Variants in ZNF75D observed in about 807,000 individuals in gnomAD.
The protein encoded by ZNF75D is zinc finger protein 75.
Under a neutral mutation model 33.3 loss-of-function variants are expected in ZNF75D, and 33 were observed. The observed-to-expected ratio is 0.99, with a 90% CI of 0.75 to 1.32. ZNF75D has a LOEUF of 1.32. ZNF75D is among the 40% of genes most tolerant of loss of function. The pLI is 0.00. For synonymous variants in ZNF75D, 113 were observed against 130.6 expected, an observed-to-expected ratio of 0.87 and a Z score of 0.92; for missense variants, 338 against 367.5, an observed-to-expected ratio of 0.92 and a Z score of 0.66.
In ZNF75D at chrX:135,256,883, C is replaced by T. The variant is rs1193530199; in HGVS notation, n.828-1106G>A. On this transcript the variant is annotated intron_variant and non_coding_transcript_variant, in intron 1 of 3. Transcript: ENST00000494295. ...GGGCACTGGGCAGAGTTGTAAGGCT[C>T]CTTTTCCAGGCCCTAGCTCCTGGGC... Among the ~76,000 whole-genome samples the T allele has an allele frequency of 3.6e-5, 4 of 111,959 alleles. No homozygotes were observed. The South Asian group carries it at 1.5e-3, about 42-fold the overall frequency.
rs182081928 is a variant in ZNF75D, at chrX:135,304,643, C to T, written c.-390-8604G>A. Among the ~76,000 whole-genome samples the T allele has an allele frequency of 2.7e-5, 3 of 112,276 alleles. No individual in the cohort carries two copies. In the East Asian group the frequency reaches 8.5e-4, roughly 32 times the overall value. On this transcript the variant is annotated intron_variant, in intron 1 of 6. Coordinates refer to ENST00000370766, the MANE Select transcript of ZNF75D (RefSeq NM_007131.5). ...GATGTCTACAATGCAAATGTTCCTT[C>T]GACGGCTAACCATGCATCTCACAAC...
At chrX:135,325,761 C>A (rs975534799) in intron 1 of ZNF75D, among the ~76,000 whole-genome samples, 35 of 110,399 alleles carry the variant, frequency 3.2e-4, no homozygotes, top group Non-Finnish European at 5.5e-4. Context: ...TCCTGTGCGG[C>A]CTGAGCCTCC....
downstream of ZNF75D, among the ~76,000 whole-genome samples, chrX:135,282,071 CT>C (rs1187131287): frequency 8.9e-6 from 1 of 112,487 alleles, no homozygotes; most frequent in African/African-American, 3.2e-5. Flanking sequence ...ACGCTTAAGG[CT>C]GCTGAAGCTG....
intron 1 of ZNF75D, among the ~76,000 whole-genome samples, chrX:135,268,834 C>T (rs1471854108): frequency 1.8e-5 from 2 of 111,708 alleles, no homozygotes; most frequent in Non-Finnish European, 3.8e-5. Context: ...ATCACATTAC[C>T]TGACTTCAGA....
downstream of ZNF75D, among the ~76,000 whole-genome samples, chrX:135,283,417 T>G (rs1556418870): frequency 8.9e-6 from 1 of 111,999 alleles, no homozygotes; most frequent in Non-Finnish European, 1.9e-5. Context: ...CTCCTTTAAA[T>G]GAGGAACAGC....
rs782729498 is a variant in ZNF75D at position 135,287,401 on chromosome X, G to A, written c.1269C>T (p.Cys423=). 1.2e-5 allele frequency: 15 copies of A among 1,211,215 alleles called. No individual in the cohort carries two copies. In the South Asian group the frequency reaches 2.6e-4, roughly 21 times the overall value. ...GACTAAAGCTTTTCCCACACCATGA[G>A]CATCTATATGGTTTTATTCCTTGAT... ...MTHQGIKPYR[C]SWCGKSFSHN... The change falls in exon 7 of 7, where the codon TGC becomes TGT. Residue 423 remains cysteine, a synonymous_variant. Coordinates refer to ENST00000370766, the MANE Select transcript of ZNF75D (RefSeq NM_007131.5).
chrX:135,291,813 A>AT (rs1156723745), intron 4 of ZNF75D, among the ~76,000 whole-genome samples: 1 of 111,912 alleles, frequency 8.9e-6, no homozygotes, highest in East Asian at 2.8e-4. Flanking sequence ...AAATCTATTC[A>AT]TTTTTCCTCT....
intron 1 of ZNF75D, among the ~76,000 whole-genome samples, chrX:135,271,061 C>G (rs2148462228): frequency 9.0e-6 from 1 of 111,522 alleles, no homozygotes; most frequent in South Asian, 3.8e-4. Flanking sequence ...GAGTTATATC[C>G]TATAGAACAG....
chrX:135,291,784 A>G (rs1379085301), intron 4 of ZNF75D, among the ~76,000 whole-genome samples: 6 of 112,419 alleles, frequency 5.3e-5, no homozygotes, highest in Non-Finnish European at 1.1e-4. Context: ...TAGATTTCAT[A>G]AAAGAAATTA....
At chrX:135,324,557 T>C (rs2084537394) in intron 1 of ZNF75D, among the ~76,000 whole-genome samples, 1 of 112,634 alleles carries the variant, frequency 8.9e-6, no homozygotes, top group African/African-American at 3.2e-5. Flanking sequence ...CTAATAAAAA[T>C]ATAGTTTCTT....
chrX:135,305,766 G>A (rs1367259355), intron 1 of ZNF75D, among the ~76,000 whole-genome samples: 1 of 110,621 alleles, frequency 9.0e-6, no homozygotes, highest in African/African-American at 3.3e-5. Flanking sequence ...AACACCCCCA[G>A]ACTCTGCAAT....
intron 1 of ZNF75D, among the ~76,000 whole-genome samples, chrX:135,296,616 CG>C (rs2084133777): frequency 8.9e-6 from 1 of 112,333 alleles, no homozygotes; most frequent in African/African-American, 3.2e-5. Context: ...TCAAGCCTCT[CG>C]CTAGATCAGA....
chrX:135,340,395 T>G (rs1403012520), intron 1 of ZNF75D, among the ~76,000 whole-genome samples: 1 of 112,363 alleles, frequency 8.9e-6, no homozygotes, highest in South Asian at 3.6e-4. Context: ...TAAGTAGTAA[T>G]GCTTAATGAT....
rs181413853 is a variant in ZNF75D, at chrX:135,307,768, C to G, written c.-390-11729G>C. 6.9e-4 allele frequency among the ~76,000 whole-genome samples: 77 copies of G among 112,157 alleles called. No individual in the cohort carries two copies. In the South Asian group the frequency reaches 0.014, roughly 20 times the overall value. Reference sequence around the variant, plus strand: ...TAACTGCAGTGTTAAATTTCTGCAACTAAACACTCCATTTACATGAACTGT... The same window carrying G: ...TAACTGCAGTGTTAAATTTCTGCAAGTAAACACTCCATTTACATGAACTGT... On this transcript the variant is annotated intron_variant, in intron 1 of 6. Coordinates refer to ENST00000370766, the MANE Select transcript of ZNF75D (RefSeq NM_007131.5).
chrX:135,289,692 C>A (rs1556420756), intron 6 of ZNF75D, among the ~76,000 whole-genome samples: 1 of 108,265 alleles, frequency 9.2e-6, no homozygotes, highest in African/African-American at 3.4e-5. Context: ...CTTCTCAAAC[C>A]AGTAAAATAC....
At chrX:135,270,738 A>T (rs1029412105) in intron 1 of ZNF75D, among the ~76,000 whole-genome samples, 3 of 110,816 alleles carry the variant, frequency 2.7e-5, no homozygotes, top group Non-Finnish European at 5.7e-5. Context: ...CCCCATGGTC[A>T]TCTGGATCCC....
chrX:135,258,605 G>C (rs782398397), intron 1 of ZNF75D, among the ~76,000 whole-genome samples: 5 of 111,686 alleles, frequency 4.5e-5, no homozygotes, highest in Non-Finnish European at 9.4e-5. Flanking sequence ...TTTGAGAAGT[G>C]TCTATTCATA....
chrX:135,283,966 GCA>G (rs2083930673), downstream of ZNF75D, among the ~76,000 whole-genome samples: 1 of 111,465 alleles, frequency 9.0e-6, no homozygotes, highest in South Asian at 3.8e-4. Context: ...CCTCACAAAT[GCA>G]CACAAGTGGA....
intron 1 of ZNF75D, among the ~76,000 whole-genome samples, chrX:135,322,878 A>T (rs1181143514): frequency 1.8e-5 from 2 of 112,096 alleles, no homozygotes; most frequent in African/African-American, 6.5e-5. Flanking sequence ...TTTATGTTTG[A>T]TAACTGCCCT....
Sources: gnomAD v4.1 joint callset for allele counts (sites outside exome capture counted in the v4.1 genomes callset) on GRCh38, gnomAD v4.1.1 for gene constraint, MANE v1.5 for transcripts, NCBI Gene and HGNC (gene_info 2026-07-23, HGNC 2026-07-21) for gene names.